The following PDZRN3 variants were observed in gnomAD, a reference collection of about 807,000 sequenced individuals.
The protein encoded by PDZRN3 is E3 ubiquitin-protein ligase PDZRN3.
Under a neutral mutation model 85.7 loss-of-function variants are expected in PDZRN3, and 38 were observed. That is an observed-to-expected ratio of 0.44 (90% CI 0.34 to 0.58). The LOEUF is 0.58. PDZRN3 is among the 20% of genes least tolerant of loss of function. The probability of loss-of-function intolerance (pLI) is 0.01; values close to 1 mark genes in which losing one functional copy is unlikely to be tolerated. For synonymous variants in PDZRN3, 759 were observed against 638.0 expected (o/e 1.19, Z -2.86); for missense variants, 1,629 against 1,506.4 (o/e 1.08, Z -1.35).
intron 3 of PDZRN3, chr3:73,474,744 C>T (rs981900964): frequency 2.2e-5 from 10 of 464,562 alleles, no homozygotes; most frequent in African/African-American, 1.2e-4. Flanking sequence ...GTTCCCCTTG[C>T]GAAGTGAAGG....
In PDZRN3 at chr3:73,477,990, C is replaced by T. The variant is rs186344279; in HGVS notation, c.919-73595G>A. ...AAAACCTGCCCCCATGATTCAATTA[C>T]CTCCCACTGGGTCCCTCCCAAGAAA... On this transcript the variant is annotated intron_variant, in intron 3 of 9. Transcript: ENST00000263666. Among the ~76,000 whole-genome samples, 13 of 152,292 alleles carry T rather than the reference C, an allele frequency of 8.5e-5. No individual in the cohort carries two copies. In the East Asian group the frequency reaches 2.3e-3, roughly 27 times the overall value.
chr3:73,550,357 T>G (rs1288895185), intron 3 of PDZRN3, among the ~76,000 whole-genome samples: 2 of 152,188 alleles, frequency 1.3e-5, no homozygotes, highest in African/African-American at 4.8e-5. Flanking sequence ...GAATGGACAC[T>G]CTAAGGCACT....
At chr3:73,535,672 T>C (rs1476476155) in intron 3 of PDZRN3, among the ~76,000 whole-genome samples, 2 of 152,228 alleles carry the variant, frequency 1.3e-5, no homozygotes, top group Admixed American at 1.3e-4. Flanking sequence ...ACAAGTCAAG[T>C]TCCATTTAGG....
In PDZRN3 at chr3:73,453,416, A is replaced by C. The variant is rs1187389404; in HGVS notation, c.919-49021T>G. On this transcript the variant is annotated intron_variant, in intron 3 of 9. Transcript: ENST00000263666. ...TGAGACTTCGTCTCAAAAAAAAAAAAAAAAAAACAAAAAAAAAAAACAAAG... is the reference window on the plus strand; with the variant it reads ...TGAGACTTCGTCTCAAAAAAAAAAACAAAAAAACAAAAAAAAAAAACAAAG... 3.1e-4 allele frequency among the ~76,000 whole-genome samples: 42 copies of C among 135,726 alleles called. 1 individual carries two copies. Among genetic ancestry groups the C allele is most frequent in the Middle Eastern group, 3.6e-3 (1 of 276 alleles). The allele number at this position is 135,726 out of a possible 152,430, so 89.0% of individuals were successfully genotyped here.
chr3:73,605,855 A>G (rs1052285015), intron 2 of PDZRN3, among the ~76,000 whole-genome samples: 5 of 152,258 alleles, frequency 3.3e-5, no homozygotes, highest in African/African-American at 1.2e-4. Context: ...TCTTGCAAAA[A>G]GACCACATAA....
chr3:73,533,461 C>CT (rs569996617), intron 3 of PDZRN3, among the ~76,000 whole-genome samples: 213 of 152,024 alleles, frequency 1.4e-3, no homozygotes, highest in African/African-American at 3.4e-3. Flanking sequence ...ACATATCAAT[C>CT]TTTTTTTTAT....
chr3:73,383,063 T>C lies in PDZRN3; in HGVS notation c.*302A>G, dbSNP rs573844301. The C allele has an allele frequency of 1.8e-5, 5 of 271,018 alleles. No individual in the cohort carries two copies. Among genetic ancestry groups the C allele is most frequent in the African/African-American group, 4.4e-5 (2 of 45,596 alleles). The allele number at this position is 271,018 out of a possible 1,614,324, so 16.8% of individuals were successfully genotyped here. A position where few individuals can be genotyped will look rare whatever the true frequency, so the allele number is the denominator to read the frequency against. On this transcript the variant is annotated 3_prime_UTR_variant, in exon 10 of 10. Transcript: ENST00000263666. ...AACAAGTTATTCTGTGAAAGTATGCTTAATAAAAGATCTTTCTGAAATTTA... is the reference window on the plus strand; with the variant it reads ...AACAAGTTATTCTGTGAAAGTATGCCTAATAAAAGATCTTTCTGAAATTTA...
intron 8 of PDZRN3, 89 bp downstream of exon 8, chr3:73,387,879 A>G (rs1301377210): frequency 7.8e-6 from 5 of 645,030 alleles, no homozygotes; most frequent in Non-Finnish European, 1.4e-5. Flanking sequence ...TCAAGTTCGC[A>G]GCCAATACTC....
chr3:73,419,862 T>C (rs544638705), intron 3 of PDZRN3, among the ~76,000 whole-genome samples: 1 of 152,224 alleles, frequency 6.6e-6, no homozygotes, highest in Non-Finnish European at 1.5e-5. Flanking sequence ...AATGTGTAAT[T>C]TGAAAATATG....
rs201093272 is a variant in PDZRN3 at position 73,501,818 on chromosome 3, C to T, written c.919-97423G>A. Among the ~76,000 whole-genome samples the T allele has an allele frequency of 6.6e-5, 10 of 152,246 alleles. No individual in the cohort carries two copies. The East Asian group carries it at 9.7e-4, about 15-fold the overall frequency. ...TCACTTGAGGTCAGGAGTTCAAGAA[C>T]AGCCTGGCCAACATGGTGAAACCCC... On this transcript the variant is annotated intron_variant, in intron 3 of 9. Coordinates refer to ENST00000263666, the MANE Select transcript of PDZRN3 (RefSeq NM_015009.3).
At chr3:73,430,987 C>T (rs770030142) in intron 3 of PDZRN3, among the ~76,000 whole-genome samples, 1 of 152,136 alleles carries the variant, frequency 6.6e-6, no homozygotes, top group Non-Finnish European at 1.5e-5. Context: ...CCTGTCTTGA[C>T]GTTTCACACT....
At chr3:73,612,465 T>C (rs1575763557) in intron 1 of PDZRN3, among the ~76,000 whole-genome samples, 2 of 152,308 alleles carry the variant, frequency 1.3e-5, no homozygotes, top group Admixed American at 1.3e-4. Context: ...GACTATGCAA[T>C]AATAATTGCA....
At chr3:73,549,544 T>TGGCAAC (rs1701503400) in intron 3 of PDZRN3, among the ~76,000 whole-genome samples, 1 of 152,168 alleles carries the variant, frequency 6.6e-6, no homozygotes, top group African/African-American at 2.4e-5. Context: ...ACACTCCTGG[T>TGGCAAC]AATCGGCAAA....
chr3:73,601,771 T>A (rs995589425), intron 3 of PDZRN3, among the ~76,000 whole-genome samples: 1 of 152,156 alleles, frequency 6.6e-6, no homozygotes, highest in African/African-American at 2.4e-5. Flanking sequence ...GTATAAAAGT[T>A]TGAAATGATG....
At chr3:73,385,177 T>A (rs1253798739) in intron 9 of PDZRN3, among the ~76,000 whole-genome samples, 2 of 152,198 alleles carry the variant, frequency 1.3e-5, no homozygotes, top group African/African-American at 4.8e-5. Flanking sequence ...AGTCACTTTA[T>A]CTCAATGAAT....
At chr3:73,534,894 G>C (rs1040085278) in intron 3 of PDZRN3, among the ~76,000 whole-genome samples, 1 of 152,160 alleles carries the variant, frequency 6.6e-6, no homozygotes, top group African/African-American at 2.4e-5. Flanking sequence ...AGTCACTCTT[G>C]TGTCTTGTTG....
chr3:73,411,143 T>C (rs142939068), intron 3 of PDZRN3, among the ~76,000 whole-genome samples: 2 of 152,314 alleles, frequency 1.3e-5, no homozygotes, highest in Non-Finnish European at 2.9e-5. Flanking sequence ...ATAAAAATAG[T>C]ATCAAGGACA....
chr3:73,405,218 G>A (rs1701829625), intron 3 of PDZRN3, among the ~76,000 whole-genome samples: 1 of 152,188 alleles, frequency 6.6e-6, no homozygotes, highest in Non-Finnish European at 1.5e-5. Flanking sequence ...TGGACGCGGT[G>A]TCCAGGATTC....
chr3:73,504,153 C>T (rs1273782127), intron 3 of PDZRN3, among the ~76,000 whole-genome samples: 1 of 152,158 alleles, frequency 6.6e-6, no homozygotes, highest in Non-Finnish European at 1.5e-5. Context: ...CAGATGCCCA[C>T]CTGATGTACC....
Sources: allele counts gnomAD v4.1 joint callset (sites outside exome capture counted in the v4.1 genomes callset), GRCh38; gene constraint gnomAD v4.1.1; transcripts MANE v1.5; gene names NCBI Gene and HGNC (gene_info 2026-07-23, HGNC 2026-07-21).